The following MAD2L2 variants were observed in gnomAD, a reference collection of about 807,000 sequenced individuals.
The protein encoded by MAD2L2 is mitotic spindle assembly checkpoint protein MAD2B.
A neutral mutation model predicts 30.5 loss-of-function variants in MAD2L2; 17 were observed. The ratio of observed to expected loss-of-function variants is 0.56; its 90% confidence interval spans 0.38 to 0.84. The LOEUF (loss-of-function observed/expected upper bound fraction) is 0.84, where lower values mean the gene tolerates loss of function less well. MAD2L2 is among the 40% of genes least tolerant of loss of function. The pLI is 0.00. For synonymous variants in MAD2L2, 101 were observed against 113.9 expected (o/e 0.89, Z 0.72); for missense variants, 213 against 277.4 (o/e 0.77, Z 1.65).
At chr1:11,676,164 C>T (rs1640765133) in intron 5 of MAD2L2, 24 bp from the exon 6 acceptor site, 1 of 1,509,890 alleles carries the variant, frequency 6.6e-7, no homozygotes, top group East Asian at 2.3e-5. Context: ...GAGGTCTTCC[C>T]ATCACACTGG....
intron 1 of MAD2L2, among the ~76,000 whole-genome samples, chr1:11,691,205 T>C (rs1033958828): frequency 6.7e-5 from 10 of 148,738 alleles, no homozygotes; most frequent in Non-Finnish European, 1.0e-4. Flanking sequence ...CTAGGCGGAA[T>C]AATCCTTTTG....
upstream of MAD2L2, chr1:11,691,721 G>A (rs1359953795): frequency 2.2e-5 from 3 of 138,588 alleles, no homozygotes; most frequent in South Asian, 2.5e-4. Flanking sequence ...GTCCCGCTCA[G>A]CCCGGGCACA....
chr1:11,675,188 A>T lies in MAD2L2; in HGVS notation c.502-14T>A, dbSNP rs878778. Reference sequence around the variant, plus strand: ...CCAGGGGAAATCCTAGGGAGGAGACAAAGGTCAGGGGGGTGACGGGGCTGG... The same window carrying T: ...CCAGGGGAAATCCTAGGGAGGAGACTAAGGTCAGGGGGGTGACGGGGCTGG... On this transcript the variant is annotated splice_polypyrimidine_tract_variant and intron_variant, in intron 7 of 8. Coordinates refer to ENST00000376692, the MANE Select transcript of MAD2L2 (RefSeq NM_006341.4). The T allele has an allele frequency of 6.4e-7, 1 of 1,571,244 alleles. No homozygotes were observed. The highest frequency in any genetic ancestry group is 1.2e-5 in the South Asian group (1 of 86,062).
chr1:11,682,705 G>T (rs1328332855), upstream of MAD2L2, among the ~76,000 whole-genome samples: 1 of 152,136 alleles, frequency 6.6e-6, no homozygotes, highest in Non-Finnish European at 1.5e-5. Flanking sequence ...CGGATGCCCA[G>T]CAAAGTGTGG....
intron 4 of MAD2L2, chr1:11,677,212 C>A: frequency 5.0e-6 from 3 of 602,806 alleles, no homozygotes; most frequent in Non-Finnish European, 8.8e-6. Context: ...GGGGAAGAAA[C>A]CCTGAGGGGC....
At position 11,675,324 on chromosome 1, in the gene MAD2L2, C is replaced by G. The variant is rs186981467; in HGVS notation, c.502-150G>C. ...GGTGATGCAGACCCCAGGACCGCCC[C>G]CATCCCCCACAGAGGCCAAGTCCAT... On this transcript the variant is annotated intron_variant, in intron 7 of 8. Coordinates refer to ENST00000376692, the MANE Select transcript of MAD2L2 (RefSeq NM_006341.4). 667 of 608,592 alleles carry G rather than the reference C, an allele frequency of 1.1e-3. 4 individuals carry two copies. The highest frequency in any genetic ancestry group is 0.011 in the African/African-American group (581 of 53,900). The allele number at this position is 608,592 out of a possible 1,614,324, so 37.7% of individuals were successfully genotyped here.
chr1:11,679,679 A>G (rs547372281), intron 3 of MAD2L2, among the ~76,000 whole-genome samples: 17 of 152,118 alleles, frequency 1.1e-4, no homozygotes, highest in Non-Finnish European at 2.2e-4. Context: ...GGCGCGTACC[A>G]CCACACCAGG....
upstream of MAD2L2, among the ~76,000 whole-genome samples, chr1:11,682,488 C>T (rs1640894682): frequency 7.1e-6 from 1 of 141,200 alleles, no homozygotes; most frequent in South Asian, 2.4e-4. Flanking sequence ...CATTTCCAGA[C>T]TTCTAATGGG....
chr1:11,680,835 G>C, intron 1 of MAD2L2: 3 of 1,244,856 alleles, frequency 2.4e-6, no homozygotes, highest in Non-Finnish European at 3.1e-6. Context: ...CCCTCGCCCC[G>C]CTGTCTCGCG....
chr1:11,675,121 C>T lies in MAD2L2; in HGVS notation c.555G>A (p.Arg185=), dbSNP rs1459843242. 6.2e-7 allele frequency: 1 copy of T among 1,603,832 alleles called. No homozygotes were observed. Among genetic ancestry groups the T allele is most frequent in the Non-Finnish European group, 8.5e-7 (1 of 1,174,878 alleles). The change falls in exon 8 of 9, where the codon CGG becomes CGA. Residue 185 remains arginine, a synonymous_variant. Transcript: ENST00000376692. ...ACGTCATGGTTTTTAGTGGTATCAG[C>T]CGGGGGTCATGCATGTGGACATCCT... ...DEQDVHMHDP[R]LIPLKTMTSD...
Position 11,674,856 on chromosome 1 carries a change from C to G in MAD2L2, c.595-40G>C, listed in dbSNP as rs1640729959. The G allele has an allele frequency of 3.7e-6, 6 of 1,609,928 alleles. No individual in the cohort carries two copies. Among genetic ancestry groups the G allele is most frequent in the Non-Finnish European group, 3.4e-6 (4 of 1,176,744 alleles). The stretch of plus-strand genomic sequence containing the variant: ...CAAACAGCCACAGTCAGCAAGACAG[C>G]CAGGGCATCCCTGCTGGAGGACACA... On this transcript the variant is annotated intron_variant, in intron 8 of 8. Coordinates refer to ENST00000376692, the MANE Select transcript of MAD2L2 (RefSeq NM_006341.4). This position sits in a 1 kb window ranked among gnomAD's most constrained non-coding sequence, Gnocchi z 6.1.
chr1:11,678,175 G>A (rs1471895387), intron 3 of MAD2L2, among the ~76,000 whole-genome samples: 1 of 152,020 alleles, frequency 6.6e-6, no homozygotes, highest in Non-Finnish European at 1.5e-5. Flanking sequence ...AGCACTTTGA[G>A]AGGATGAGGT....
chr1:11,680,791 G>A (rs1640861645), intron 1 of MAD2L2, 178 bp from the exon 2 acceptor site: 8 of 1,340,664 alleles, frequency 6.0e-6, no homozygotes, highest in South Asian at 2.0e-5. Flanking sequence ...CCGTGCTTGG[G>A]GGCATCAGCC....
rs762245085 is a variant in MAD2L2, at chr1:11,688,024, A to G, written c.-692+3389T>C. Among the ~76,000 whole-genome samples, 1 of 152,174 alleles carries G rather than the reference A, an allele frequency of 6.6e-6. No homozygotes were observed. Among genetic ancestry groups the G allele is most frequent in the Non-Finnish European group, 1.5e-5 (1 of 68,022 alleles). Reference sequence around the variant, plus strand: ...ATTGTGTCACCCCAGCTCCAAGCACATCGGAAGATCACCCAGCCAGGGGAC... The same window carrying G: ...ATTGTGTCACCCCAGCTCCAAGCACGTCGGAAGATCACCCAGCCAGGGGAC... On this transcript the variant is annotated intron_variant, in intron 1 of 10. Coordinates refer to the MAD2L2 transcript ENST00000235310. The surrounding 1 kb of genome is among the most constrained non-coding windows in gnomAD (Gnocchi z 4.6).
chr1:11,675,094 C>A lies in MAD2L2; in HGVS notation c.582G>T (p.Ser194=). 6.3e-7 allele frequency: 1 copy of A among 1,594,876 alleles called. No individual in the cohort carries two copies. Among genetic ancestry groups the A allele is most frequent in the Non-Finnish European group, 8.5e-7 (1 of 1,170,352 alleles). Residue 194 remains serine, a synonymous_variant, in exon 8 of 9, where the codon TCG becomes TCT. Coordinates refer to ENST00000376692, the MANE Select transcript of MAD2L2 (RefSeq NM_006341.4). The stretch of plus-strand genomic sequence containing the variant: ...CCACGAAGCTCACCTTTAAAATGTC[C>A]GACGTCATGGTTTTTAGTGGTATCA... ...PRLIPLKTMT[S]DILKMQLYVE...
chr1:11,677,417 T>G (rs933314045), intron 4 of MAD2L2, 126 bp downstream of exon 4: 11 of 923,308 alleles, frequency 1.2e-5, no homozygotes, highest in Admixed American at 7.9e-5. Context: ...AACAGGCTTC[T>G]GGGTATTGGA....
chr1:11,682,985 A>G (rs756561174), upstream of MAD2L2, among the ~76,000 whole-genome samples: 2 of 152,206 alleles, frequency 1.3e-5, no homozygotes, highest in Non-Finnish European at 2.9e-5. Context: ...AGACTGACTC[A>G]TTGCAGAACT....
At position 11,675,193 on chromosome 1, in the gene MAD2L2, T is replaced by G; in HGVS notation, c.502-19A>C. ...GGAAATCCTAGGGAGGAGACAAAGG[T>G]CAGGGGGGTGACGGGGCTGGGCCCT... is the stretch of plus-strand genomic sequence containing the variant. On this transcript the variant is annotated intron_variant, in intron 7 of 8. Coordinates refer to ENST00000376692, the MANE Select transcript of MAD2L2 (RefSeq NM_006341.4). 2 of 1,553,036 alleles carry G rather than the reference T, an allele frequency of 1.3e-6. No individual in the cohort carries two copies. Among genetic ancestry groups the G allele is most frequent in the Non-Finnish European group, 1.8e-6 (2 of 1,142,482 alleles).
At chr1:11,679,373 A>G (rs1479298049) in intron 3 of MAD2L2, among the ~76,000 whole-genome samples, 1 of 152,168 alleles carries the variant, frequency 6.6e-6, no homozygotes, top group African/African-American at 2.4e-5. Context: ...CTGGAGCTAC[A>G]GTGCGATGCA....
Sources: gnomAD v4.1 joint callset for allele counts (sites outside exome capture counted in the v4.1 genomes callset) on GRCh38, gnomAD v4.1.1 for gene constraint, Gnocchi (gnomAD v3.1) non-coding constraint, MANE v1.5 for transcripts, NCBI Gene and HGNC (gene_info 2026-07-23, HGNC 2026-07-21) for gene names.